The following GPR84 variants were observed in gnomAD, a reference collection of about 807,000 sequenced individuals.
GPR84 encodes G-protein coupled receptor 84.
A neutral mutation model predicts 14.9 loss-of-function variants in GPR84; 8 were observed. The ratio of observed to expected loss-of-function variants is 0.54; its 90% CI spans 0.31 to 0.97. The LOEUF (loss-of-function observed/expected upper bound fraction) is 0.97. Among genes scored for constraint, GPR84 ranks in the 50% least tolerant of loss-of-function variants. GPR84 has a pLI of 0.04. For synonymous variants in GPR84, 164 were observed against 198.1 expected, an observed-to-expected ratio of 0.83 and a Z score of 1.45; for missense variants, 424 against 498.7, an observed-to-expected ratio of 0.85 and a Z score of 1.43.
downstream of GPR84, among the ~76,000 whole-genome samples, chr12:54,361,236 C>T (rs992170479): frequency 2.8e-4 from 42 of 152,068 alleles, no homozygotes; most frequent in African/African-American, 8.9e-4. This position sits in a 1 kb window ranked among gnomAD's most constrained non-coding sequence, Gnocchi z 4.3. Flanking sequence ...GGCCGGAGTG[C>T]AGTGGCGCGA....
downstream of GPR84, among the ~76,000 whole-genome samples, chr12:54,359,589 C>T (rs1283507617): frequency 2.6e-5 from 4 of 152,114 alleles, no homozygotes; most frequent in African/African-American, 4.8e-5. Flanking sequence ...GGATAGAGCT[C>T]GGACTCGGGC....
chr12:54,362,404 C>A, downstream of GPR84: 1 of 406,556 alleles, frequency 2.5e-6, no homozygotes, highest in Non-Finnish European at 4.4e-6. This position sits in a 1 kb window ranked among gnomAD's most constrained non-coding sequence, Gnocchi z 4.0. Flanking sequence ...TGAGCCTAAC[C>A]GTGACCTGTT....
the GPR84 span, among the ~76,000 whole-genome samples, chr12:54,356,853 T>A: frequency 6.6e-6 from 1 of 151,988 alleles, no homozygotes; most frequent in African/African-American, 2.4e-5. Flanking sequence ...AGCCCAAAAT[T>A]GGAAATTTTA....
the GPR84 span, among the ~76,000 whole-genome samples, chr12:54,355,728 A>G: frequency 6.6e-6 from 1 of 152,098 alleles, no homozygotes; most frequent in Non-Finnish European, 1.5e-5. Context: ...GGCCTGGGTC[A>G]GAGGGGAGAC....
chr12:54,350,940 G>A, the GPR84 span: 10 of 200,020 alleles, frequency 5.0e-5, no homozygotes, highest in Admixed American at 1.0e-4. Flanking sequence ...CCAGCAAGGG[G>A]AGAGAGAAAG....
chr12:54,356,259 T>C, the GPR84 span, among the ~76,000 whole-genome samples: 2 of 152,000 alleles, frequency 1.3e-5, no homozygotes, highest in Non-Finnish European at 2.9e-5. Context: ...AAGAAAGAAA[T>C]GAAATTTACC....
rs1001211370 is a variant in GPR84, at chr12:54,363,426, C to T, written c.426G>A (p.Val142=). 19 of 1,613,942 alleles carry T rather than the reference C, an allele frequency of 1.2e-5. No individual in the cohort carries two copies. The African/African-American group carries it at 2.1e-4, about 18-fold the overall frequency. Residue 142 remains valine, a synonymous_variant, in exon 2 of 2, where the codon GTG becomes GTA. Transcript: ENST00000267015. ...TGGCCACGCCCACAACCCAGGTGCT[C>T]ACCAGTGCCAGCACTATCCCCTTGG... ...FSAKGIVLAL[V]STWVVGVASF...
Position 54,362,990 on chromosome 12 carries a change from C to T in GPR84, c.862G>A (p.Glu288Lys), listed in dbSNP as rs1954287533. Residue 288 changes from glutamate (E) to lysine (K), a missense_variant, in exon 2 of 2, where the codon GAG (glutamate) becomes AAG (lysine). Glu to Lys is a moderately conservative substitution (Grantham distance 56). Coordinates refer to ENST00000267015, the MANE Select transcript of GPR84 (RefSeq NM_020370.3). This position sits in a 1 kb window ranked among gnomAD's most constrained non-coding sequence, Gnocchi z 4.0. ...INSKRAKQMAEKSPPEASAKA... is the reference protein window; with the variant it reads ...INSKRAKQMAKKSPPEASAKA... ...GCAGATGCTTCTGGAGGGCTTTTCT[C>T]TGCCATCTGCTTAGCTCTCTTGCTG... 6.2e-7 allele frequency: 1 copy of T among 1,614,112 alleles called. No individual in the cohort carries two copies. Among genetic ancestry groups the T allele is most frequent in the Non-Finnish European group, 8.5e-7 (1 of 1,180,042 alleles).
In GPR84 at chr12:54,363,569, C is replaced by T. The variant is rs752403794; in HGVS notation, c.283G>A (p.Val95Ile). 15 of 1,614,110 alleles carry T rather than the reference C, an allele frequency of 9.3e-6. No homozygotes were observed. The highest frequency in any genetic ancestry group is 1.3e-5 in the Non-Finnish European group (15 of 1,180,006). The change falls in exon 2 of 2, where the codon GTA becomes ATA. Residue 95 changes from valine to isoleucine, a missense_variant. By Grantham distance (29) the Val-to-Ile change is conservative. Transcript: ENST00000267015. ...HWRTGATFCR[V>I]FGLLLFASNS... ...GAGGCAAAAAGGAGGAGCCCAAATA[C>T]CCTGCAGAAGGTGGCACCGGTGCGC...
At chr12:54,362,416 CCTT>C (rs1322348255), downstream of GPR84, 7 of 427,294 alleles carry the variant, frequency 1.6e-5, no homozygotes, top group Non-Finnish European at 2.9e-5. This position sits in a 1 kb window ranked among gnomAD's most constrained non-coding sequence, Gnocchi z 4.0. Context: ...TGACCTGTTT[CCTT>C]CTTCCCCAGA....
Position 54,362,603 on chromosome 12 carries a change from C to G in GPR84, c.*58G>C. The G allele has an allele frequency of 1.8e-6, 2 of 1,103,566 alleles. No homozygotes were observed. The highest frequency in any genetic ancestry group is 2.4e-5 in the East Asian group (1 of 42,208). 68.4% of individuals were successfully genotyped at this position (1,103,566 alleles called of 1,614,324 possible). On this transcript the variant is annotated 3_prime_UTR_variant, in exon 2 of 2. Coordinates refer to ENST00000267015, the MANE Select transcript of GPR84 (RefSeq NM_020370.3). The surrounding 1 kb of genome is among the most constrained non-coding windows in gnomAD (Gnocchi z 4.0). ...GTTATTTCACCTATTCTCCTATTAC[C>G]TGGCCACTTTGGTCCTGGAGGAGAC...
downstream of GPR84, among the ~76,000 whole-genome samples, chr12:54,361,341 C>G (rs1954266780): frequency 6.6e-6 from 1 of 151,854 alleles, no homozygotes; most frequent in African/African-American, 2.4e-5. The surrounding 1 kb of genome is among the most constrained non-coding windows in gnomAD (Gnocchi z 4.3). Flanking sequence ...GCCATCATGC[C>G]CGGTTAATTT....
At chr12:54,353,050 T>G in the GPR84 span, among the ~76,000 whole-genome samples, 1 of 152,174 alleles carries the variant, frequency 6.6e-6, no homozygotes, top group Non-Finnish European at 1.5e-5. Flanking sequence ...TCTATCCAGT[T>G]CTCAAACTTG....
chr12:54,351,898 C>A, the GPR84 span: 1 of 152,412 alleles, frequency 6.6e-6, no homozygotes, highest in African/African-American at 2.4e-5. Flanking sequence ...GGCAGCTACT[C>A]CTGTTCCTCC....
At position 54,362,916 on chromosome 12, in the gene GPR84, C is replaced by T. The variant is rs199992205; in HGVS notation, c.936G>A (p.Ser312=). ...ACATTCGAGTCACCTTCCCAAATTC[C>T]GATGAAGAATCCGGAGCTCTTCTGG... ...KGARRAPDSS[S]EFGKVTRMCF... The change falls in exon 2 of 2, where the codon TCG becomes TCA. Residue 312 remains serine (S), a synonymous_variant. Coordinates refer to ENST00000267015, the MANE Select transcript of GPR84 (RefSeq NM_020370.3). This position sits in a 1 kb window ranked among gnomAD's most constrained non-coding sequence, Gnocchi z 4.0. 3.7e-5 allele frequency: 59 copies of T among 1,614,104 alleles called. No homozygotes were observed. Among genetic ancestry groups the T allele is most frequent in the Middle Eastern group, 1.6e-4 (1 of 6,084 alleles).
downstream of GPR84, among the ~76,000 whole-genome samples, chr12:54,360,770 A>G (rs985679625): frequency 4.6e-5 from 7 of 152,212 alleles, no homozygotes; most frequent in African/African-American, 1.7e-4. Context: ...CAGCCAGAGC[A>G]TTAAGGTCAG....
chr12:54,351,749 T>G, the GPR84 span: 2 of 152,196 alleles, frequency 1.3e-5, no homozygotes, highest in Non-Finnish European at 2.9e-5. Context: ...ACGGGGCATA[T>G]TTAAGGGGGC....
chr12:54,360,519 T>C (rs899727555), downstream of GPR84, among the ~76,000 whole-genome samples: 8 of 152,152 alleles, frequency 5.3e-5, no homozygotes, highest in African/African-American at 1.9e-4. Flanking sequence ...ACAGTTTACC[T>C]GGACCCCTGC....
chr12:54,350,722 G>A, the GPR84 span: 1 of 599,572 alleles, frequency 1.7e-6, no homozygotes, highest in Non-Finnish European at 3.0e-6. Flanking sequence ...TGCAGTTCTG[G>A]GAGTAAAGCT....
Sources: gnomAD v4.1 joint callset for allele counts (sites outside exome capture counted in the v4.1 genomes callset) on GRCh38, gnomAD v4.1.1 for gene constraint, Gnocchi (gnomAD v3.1) non-coding constraint, MANE v1.5 for transcripts, NCBI Gene and HGNC (gene_info 2026-07-23, HGNC 2026-07-21) for gene names.